DDX60: variants seen among roughly 807,000 people sequenced by gnomAD.
DDX60 encodes the protein probable ATP-dependent RNA helicase DDX60.
A neutral mutation model predicts 212.8 loss-of-function variants in DDX60; 165 were observed. The observed-to-expected ratio is 0.78, with a 90% CI of 0.68 to 0.88. The LOEUF (loss-of-function observed/expected upper bound fraction) is 0.88, where lower values mean the gene tolerates loss of function less well. Ranked by LOEUF, DDX60 falls within the 40% of genes least tolerant of loss-of-function variation. The pLI is 0.00. For missense variants in DDX60, 1,905 were observed against 2,003.9 expected (o/e 0.95, Z 0.94); for synonymous variants, 703 against 685.3 (o/e 1.03, Z -0.40).
Position 168,237,362 on chromosome 4 carries a change from A to G in DDX60, c.4335T>C (p.His1445=). ...FAGLVSHLHY[H]EPSNLVFVSF... ...TGACAAAAACAAGATTAGAAGGTTCATGATAATGCAAATGTGATACAAGTC... is the reference window on the plus strand; with the variant it reads ...TGACAAAAACAAGATTAGAAGGTTCGTGATAATGCAAATGTGATACAAGTC... The change falls in exon 32 of 38, where the codon CAT becomes CAC. Residue 1445 remains histidine, a synonymous_variant. Coordinates refer to ENST00000393743, the MANE Select transcript of DDX60 (RefSeq NM_017631.6). 1 of 1,600,436 alleles carries G rather than the reference A, an allele frequency of 6.2e-7. No homozygotes were observed. The highest frequency in any genetic ancestry group is 8.5e-7 in the Non-Finnish European group (1 of 1,173,660).
intron 15 of DDX60, 115 bp downstream of exon 15, chr4:168,275,900 T>C (rs1735312895): frequency 1.1e-6 from 1 of 931,242 alleles, no homozygotes; most frequent in Non-Finnish European, 1.5e-6. Context: ...CTACTAATAA[T>C]AGTATTTTCA....
intron 26 of DDX60, among the ~76,000 whole-genome samples, chr4:168,254,519 T>C (rs1734332667): frequency 6.6e-6 from 1 of 152,212 alleles, no homozygotes; most frequent in Non-Finnish European, 1.5e-5. Context: ...CTTTCATTCA[T>C]TCAAATATAT....
At chr4:168,233,639 C>A (rs148218013) in intron 33 of DDX60, among the ~76,000 whole-genome samples, 3 of 151,970 alleles carry the variant, frequency 2.0e-5, no homozygotes, top group Non-Finnish European at 4.4e-5. Context: ...TCTTCCCACT[C>A]ATAAGTGAGA....
chr4:168,292,405 T>G lies in DDX60; in HGVS notation c.883-499A>C, dbSNP rs1736151144. On this transcript the variant is annotated intron_variant, in intron 7 of 37. Coordinates refer to ENST00000393743, the MANE Select transcript of DDX60 (RefSeq NM_017631.6). ...CTTTCCTTTTCTTTATAACATAAAC[T>G]CTACTGCATTTATACAGATGTGAGG... Among the ~76,000 whole-genome samples the G allele has an allele frequency of 4.6e-5, 7 of 152,194 alleles. No homozygotes were observed. In the South Asian group the frequency reaches 1.4e-3, roughly 31 times the overall value.
intron 6 of DDX60, among the ~76,000 whole-genome samples, chr4:168,297,369 AGAAAGAAAGAAAG>A (rs1736434861): frequency 1.8e-5 from 1 of 56,230 alleles, no homozygotes; most frequent in East Asian, 3.3e-4. Flanking sequence ...AAAGAAAGAA[AGAAAGAAAGAAAG>A]AGAAAGAAAG....
Position 168,216,990 on chromosome 4 carries a change from A to G in DDX60, c.5082T>C (p.Val1694=). Residue 1694 remains valine, a synonymous_variant, in exon 38 of 38, where the codon GTT becomes GTC. Coordinates refer to ENST00000393743, the MANE Select transcript of DDX60 (RefSeq NM_017631.6). Reference sequence around the variant, plus strand: ...TACTCAGTTGTTCAAAGGCTAAGACAACGTTGTCGTCTTCATTTTCACATA... The same window carrying G: ...TACTCAGTTGTTCAAAGGCTAAGACGACGTTGTCGTCTTCATTTTCACATA... The part of the protein sequence containing the change: ...RELCENEDDN[V]VLAFEQLSTT... 6.2e-7 allele frequency: 1 copy of G among 1,605,336 alleles called. No individual in the cohort carries two copies. The highest frequency in any genetic ancestry group is 8.5e-7 in the Non-Finnish European group (1 of 1,177,604).
intron 29 of DDX60, among the ~76,000 whole-genome samples, chr4:168,247,011 C>G (rs773144731): frequency 3.9e-5 from 6 of 152,128 alleles, no homozygotes; most frequent in Non-Finnish European, 8.8e-5. Flanking sequence ...CCTTTTCTAC[C>G]CTCTCTCACA....
At chr4:168,218,812 C>T (rs1732942374) in intron 37 of DDX60, among the ~76,000 whole-genome samples, 1 of 151,990 alleles carries the variant, frequency 6.6e-6, no homozygotes, top group Non-Finnish European at 1.5e-5. Context: ...TTTCTTCTTC[C>T]CCATAATTTA....
intron 22 of DDX60, among the ~76,000 whole-genome samples, chr4:168,266,632 T>C (rs1368821371): frequency 6.6e-6 from 1 of 152,154 alleles, no homozygotes; most frequent in East Asian, 1.9e-4. Flanking sequence ...AAGAGCAATA[T>C]ATAGCATGAG....
Position 168,293,901 on chromosome 4 carries a change from T to A in DDX60, c.768A>T (p.Gly256=). Residue 256 remains glycine, a synonymous_variant, in exon 7 of 38, where the codon GGA becomes GGT. Transcript: ENST00000393743. ...VSLLTQVWPE[G]SDIRRVFCVT... ...CACAAAAGACACGCCGAATGTCAGA[T>A]CCTTCTGGCCAGACTTGTGTAAGCA... is the stretch of plus-strand genomic sequence containing the variant. 6.2e-7 allele frequency: 1 copy of A among 1,614,058 alleles called. No individual in the cohort carries two copies. Among genetic ancestry groups the A allele is most frequent in the South Asian group, 1.1e-5 (1 of 91,068 alleles).
intron 6 of DDX60, among the ~76,000 whole-genome samples, chr4:168,297,382 G>GAGAGAGAGAA (rs1560870698): frequency 5.0e-5 from 2 of 39,908 alleles, no homozygotes; most frequent in Non-Finnish European, 8.6e-5. Flanking sequence ...AAGAAAGAAA[G>GAGAGAGAGAA]AGAAAGAAAG....
intron 1 of DDX60, among the ~76,000 whole-genome samples, chr4:168,314,636 G>C (rs1283690232): frequency 6.6e-6 from 1 of 152,116 alleles, no homozygotes. Context: ...TAGGGTTAAA[G>C]TCCAGGAAAT....
Position 168,274,022 on chromosome 4 carries a change from GAGGAC to G in DDX60, c.2361_2365del (p.Ser788ArgfsTer33), listed in dbSNP as rs1243524437. The stretch of plus-strand genomic sequence containing the variant: ...GTAGTAGGAGGCATAGGTTTTGCCT[GAGGAC>G]GTTGGGGCAACAATCACTGCTGACT... On this transcript the variant is annotated frameshift_variant, in exon 17 of 38. Transcript: ENST00000393743. LOFTEE classifies it high-confidence loss of function. The G allele has an allele frequency of 6.2e-7, 1 of 1,614,212 alleles. No individual in the cohort carries two copies. Among genetic ancestry groups the G allele is most frequent in the Non-Finnish European group, 8.5e-7 (1 of 1,180,014 alleles).
chr4:168,230,315 A>G (rs2149493310), intron 33 of DDX60, among the ~76,000 whole-genome samples: 1 of 152,274 alleles, frequency 6.6e-6, no homozygotes, highest in South Asian at 2.1e-4. Context: ...GGTCATAAAG[A>G]CAGAAAGTCA....
intron 14 of DDX60, among the ~76,000 whole-genome samples, chr4:168,279,236 C>A (rs985112159): frequency 2.0e-5 from 3 of 152,158 alleles, no homozygotes; most frequent in African/African-American, 7.2e-5. Context: ...ATGGTTCTAC[C>A]AATGCTTCTT....
rs778800483 is a variant in DDX60, at chr4:168,280,478, A to T, written c.1835T>A (p.Leu612Ter). The change falls in exon 14 of 38, where the codon TTG (leucine) becomes TAG (stop). Residue 612 changes from leucine to a stop codon, truncating the protein, a stop_gained. Coordinates refer to ENST00000393743, the MANE Select transcript of DDX60 (RefSeq NM_017631.6). LOFTEE classifies it high-confidence loss of function. ...NALSFSIEEQLKENLHSGIKS... is the reference protein window; with the variant it reads ...NALSFSIEEQ ...TATTCCAGAGTGTAAATTTTCTTTC[A>T]ATTGCTCTTCAATAGAAAATGACAA... 2 of 1,614,032 alleles carry T rather than the reference A, an allele frequency of 1.2e-6. No individual in the cohort carries two copies. The highest frequency in any genetic ancestry group is 1.7e-6 in the Non-Finnish European group (2 of 1,180,014).
chr4:168,280,674 G>T, intron 13 of DDX60, 84 bp from the exon 14 acceptor site: 1 of 1,426,030 alleles, frequency 7.0e-7, no homozygotes, highest in East Asian at 2.3e-5. Context: ...TATTATGGGT[G>T]TATTGAAGAC....
At position 168,242,567 on chromosome 4, in the gene DDX60, A is replaced by G. The variant is rs1028673473; in HGVS notation, c.4164+3851T>C. Among the ~76,000 whole-genome samples, 4 of 152,164 alleles carry G rather than the reference A, an allele frequency of 2.6e-5. No individual in the cohort carries two copies. In the South Asian group the frequency reaches 6.2e-4, roughly 24 times the overall value. On this transcript the variant is annotated intron_variant, in intron 30 of 37. Coordinates refer to ENST00000393743, the MANE Select transcript of DDX60 (RefSeq NM_017631.6). ...CTTTCCCACTGGATTTTGGACTTGCATGGGGCCTGTGGTGCCTTTGATTTG... is the reference window on the plus strand; with the variant it reads ...CTTTCCCACTGGATTTTGGACTTGCGTGGGGCCTGTGGTGCCTTTGATTTG...
chr4:168,295,080 A>G (rs1272794071), intron 6 of DDX60, among the ~76,000 whole-genome samples: 1 of 151,922 alleles, frequency 6.6e-6, no homozygotes, highest in Non-Finnish European at 1.5e-5. Context: ...ATGAAAGATA[A>G]CAAGTGTCAG....
Sources: gnomAD v4.1 joint callset for allele counts (sites outside exome capture counted in the v4.1 genomes callset) on GRCh38, gnomAD v4.1.1 for gene constraint, MANE v1.5 for transcripts, NCBI Gene and HGNC (gene_info 2026-07-23, HGNC 2026-07-21) for gene names.